The following ANKS1B variants were observed in gnomAD, a reference collection of about 807,000 sequenced individuals.
The protein encoded by ANKS1B is ankyrin repeat and sterile alpha motif domain containing 1B.
Under a neutral mutation model 148.3 loss-of-function variants are expected in ANKS1B, and 36 were observed. The ratio of observed to expected loss-of-function variants is 0.24; its 90% CI spans 0.19 to 0.32. The LOEUF is 0.32. ANKS1B is among the 10% of genes least tolerant of loss of function. The pLI is 1.00. For missense variants in ANKS1B, 1,157 were observed against 1,542.6 expected, an observed-to-expected ratio of 0.75 and a Z score of 4.19; for synonymous variants, 542 against 560.8, an observed-to-expected ratio of 0.97 and a Z score of 0.47.
rs869145338 is a variant in ANKS1B, at chr12:98,948,947, C to CTTTTTTTTTTTTTTTTTTTTTTTTTTTTT, written c.2778+104209_2778+104210insAAAAAAAAAAAAAAAAAAAAAAAAAAAAA. Among the ~76,000 whole-genome samples the CTTTTTTTTTTTTTTTTTTTTTTTTTTTTT allele has an allele frequency of 2.4e-5, 2 of 84,866 alleles. 1 individual carries two copies. The highest frequency in any genetic ancestry group is 1.4e-4 in the African/African-American group (2 of 14,706). 55.7% of individuals were successfully genotyped at this position (84,866 alleles called of 152,430 possible). On this transcript the variant is annotated intron_variant, in intron 17 of 26. Transcript: ENST00000683438. ...AGGGGTGAGATATGAGCATGAGCTA[C>CTTTTTTTTTTTTTTTTTTTTTTTTTTTTT]TTTTTTTTTTTTTTTTTTTTTTTGA...
chr12:99,880,278 T>C (rs1162390767), intron 1 of ANKS1B, among the ~76,000 whole-genome samples: 2 of 152,198 alleles, frequency 1.3e-5, no homozygotes, highest in Admixed American at 6.5e-5. Flanking sequence ...GATATCACCG[T>C]GCCAATTTTA....
intron 12 of ANKS1B, among the ~76,000 whole-genome samples, chr12:99,303,690 G>A (rs2081979677): frequency 6.6e-6 from 1 of 152,076 alleles, no homozygotes; most frequent in Admixed American, 6.6e-5. Context: ...ACATGGATAA[G>A]TTCTTCAGTG....
At chr12:99,883,899 G>A (rs971223454) in intron 1 of ANKS1B, among the ~76,000 whole-genome samples, 2 of 151,668 alleles carry the variant, frequency 1.3e-5, no homozygotes, top group Non-Finnish European at 2.9e-5. Context: ...CTGGGTGACA[G>A]AGTGAGACTC....
At chr12:99,001,472 T>G (rs1256620999) in intron 17 of ANKS1B, among the ~76,000 whole-genome samples, 1 of 152,196 alleles carries the variant, frequency 6.6e-6, no homozygotes, top group Non-Finnish European at 1.5e-5. Context: ...GTGGGATTGT[T>G]GGATCATCTG....
intron 12 of ANKS1B, among the ~76,000 whole-genome samples, chr12:99,291,649 A>C (rs186564446): frequency 2.4e-4 from 36 of 152,262 alleles, no homozygotes; most frequent in Admixed American, 1.8e-3. Context: ...GGGAAAGGAC[A>C]ATCTCTTCAA....
chr12:99,572,598 T>C (rs1292482592), intron 9 of ANKS1B, among the ~76,000 whole-genome samples: 1 of 152,128 alleles, frequency 6.6e-6, no homozygotes, highest in Non-Finnish European at 1.5e-5. Flanking sequence ...TTTTAAGTCC[T>C]GCATTTTAGG....
chr12:99,443,343 G>A (rs1361864435), intron 11 of ANKS1B, among the ~76,000 whole-genome samples: 1 of 151,872 alleles, frequency 6.6e-6, no homozygotes, highest in Non-Finnish European at 1.5e-5. Flanking sequence ...AAAAGGATCA[G>A]GAAACACCAG....
At chr12:99,291,821 T>C (rs1305399315) in intron 12 of ANKS1B, among the ~76,000 whole-genome samples, 1 of 152,020 alleles carries the variant, frequency 6.6e-6, no homozygotes, top group African/African-American at 2.4e-5. Context: ...TATAGACCAA[T>C]GGAACAGAAC....
intron 17 of ANKS1B, among the ~76,000 whole-genome samples, chr12:98,843,598 C>G (rs558848417): frequency 6.6e-6 from 1 of 152,312 alleles, no homozygotes; most frequent in East Asian, 1.9e-4. Flanking sequence ...CGACTGGAGT[C>G]AGAATGACTT....
intron 17 of ANKS1B, among the ~76,000 whole-genome samples, chr12:99,039,620 T>G (rs1301479347): frequency 6.6e-6 from 1 of 152,256 alleles, no homozygotes. Flanking sequence ...TCCACTCTGC[T>G]GCCTTGCAGC....
At chr12:99,023,911 T>C (rs904245332) in intron 17 of ANKS1B, among the ~76,000 whole-genome samples, 4 of 149,618 alleles carry the variant, frequency 2.7e-5, no homozygotes, top group African/African-American at 9.7e-5. Context: ...TATATAAAAT[T>C]AATCATATGT....
chr12:99,524,079 A>C (rs2096903029), intron 9 of ANKS1B, among the ~76,000 whole-genome samples: 2 of 152,208 alleles, frequency 1.3e-5, no homozygotes, highest in Non-Finnish European at 2.9e-5. Context: ...TCACAGTTCC[A>C]AATGACTCAA....
At chr12:98,784,239 G>A (rs1423386323) in intron 22 of ANKS1B, among the ~76,000 whole-genome samples, 1 of 152,232 alleles carries the variant, frequency 6.6e-6, no homozygotes, top group Admixed American at 6.5e-5. Flanking sequence ...AAGGAGGTGG[G>A]AGTGGACAAG....
At chr12:99,264,771 A>G (rs951446960) in intron 12 of ANKS1B, among the ~76,000 whole-genome samples, 1 of 152,110 alleles carries the variant, frequency 6.6e-6, no homozygotes, top group African/African-American at 2.4e-5. Flanking sequence ...TCAGGGACTT[A>G]GGAAATTCTC....
intron 12 of ANKS1B, among the ~76,000 whole-genome samples, chr12:99,322,325 G>A (rs951019690): frequency 1.3e-5 from 2 of 151,868 alleles, no homozygotes; most frequent in African/African-American, 4.8e-5. Context: ...GGACACAGGG[G>A]GGTGAACAAC....
chr12:99,757,651 C>T (rs936585851), intron 8 of ANKS1B, among the ~76,000 whole-genome samples: 3 of 152,012 alleles, frequency 2.0e-5, no homozygotes, highest in African/African-American at 7.2e-5. Context: ...ATGTTCATTA[C>T]AGCACTATTC....
At chr12:99,589,399 T>C (rs527581678) in intron 9 of ANKS1B, among the ~76,000 whole-genome samples, 1 of 152,292 alleles carries the variant, frequency 6.6e-6, no homozygotes, top group South Asian at 2.1e-4. Context: ...TTCCCCAGGA[T>C]TTTCAATCCC....
downstream of ANKS1B, among the ~76,000 whole-genome samples, chr12:98,739,544 G>A (rs185974205): frequency 6.6e-6 from 1 of 152,196 alleles, no homozygotes; most frequent in East Asian, 1.9e-4. Flanking sequence ...CTTTGGGGAA[G>A]CCTGTTTCTA....
At chr12:98,770,085 T>C (rs560225370) in intron 25 of ANKS1B, among the ~76,000 whole-genome samples, 25 of 152,038 alleles carry the variant, frequency 1.6e-4, no homozygotes, top group African/African-American at 5.3e-4. Flanking sequence ...AGGGAGGAGG[T>C]GAAGGAACAA....
Sources: gnomAD v4.1 joint callset for allele counts (sites outside exome capture counted in the v4.1 genomes callset) on GRCh38, gnomAD v4.1.1 for gene constraint, MANE v1.5 for transcripts, NCBI Gene and HGNC (gene_info 2026-07-23, HGNC 2026-07-21) for gene names.